The following OCM variants were observed in gnomAD, a reference collection of about 807,000 sequenced individuals.
OCM encodes oncomodulin-1.
In OCM, 18 loss-of-function variants were observed where a neutral mutation model predicts 14.1. The observed-to-expected ratio is 1.28, with a 90% CI of 0.88 to 1.89. The LOEUF is 1.89. Ranked by LOEUF, OCM falls within the 40% of genes most tolerant of loss-of-function variation. The probability of loss-of-function intolerance (pLI) is 0.00; values close to 1 mark genes in which losing one functional copy is unlikely to be tolerated. For synonymous variants in OCM, 48 were observed against 51.0 expected (o/e 0.94, Z 0.25); for missense variants, 140 against 137.6 (o/e 1.02, Z -0.09).
the OCM span, among the ~76,000 whole-genome samples, chr7:5,860,593 T>G: frequency 3.3e-5 from 2 of 61,076 alleles, no homozygotes; most frequent in African/African-American, 8.9e-5. Flanking sequence ...TATATATACG[T>G]GTATATATAC....
intron 1 of OCM, among the ~76,000 whole-genome samples, chr7:5,882,229 G>T (rs1380055428): frequency 1.3e-5 from 2 of 151,986 alleles, no homozygotes; most frequent in African/African-American, 4.8e-5. Flanking sequence ...GGGCCAGGGG[G>T]AGGGGGAGGC....
the OCM span, among the ~76,000 whole-genome samples, chr7:5,869,180 AAGAG>A: frequency 3.9e-5 from 6 of 152,192 alleles, no homozygotes; most frequent in Non-Finnish European, 8.8e-5. Context: ...TCAGGAATAA[AAGAG>A]AGAAGAGAGG....
the OCM span, among the ~76,000 whole-genome samples, chr7:5,859,869 C>G: frequency 6.6e-6 from 1 of 151,684 alleles, no homozygotes; most frequent in Non-Finnish European, 1.5e-5. Context: ...TGTATTTTTA[C>G]TAGAGACAGG....
At chr7:5,867,033 C>T in the OCM span, among the ~76,000 whole-genome samples, 2 of 152,084 alleles carry the variant, frequency 1.3e-5, no homozygotes, top group African/African-American at 4.8e-5. Flanking sequence ...TTTTTTATGG[C>T]CCATCAATTA....
intron 3 of OCM, among the ~76,000 whole-genome samples, chr7:5,884,890 T>A (rs2128607362): frequency 6.6e-6 from 1 of 152,124 alleles, no homozygotes; most frequent in South Asian, 2.1e-4. Context: ...GAGGCCAAGG[T>A]GGGCAGATCC....
the OCM span, among the ~76,000 whole-genome samples, chr7:5,874,781 C>T: frequency 2.2e-4 from 34 of 152,206 alleles, no homozygotes; most frequent in Non-Finnish European, 4.3e-4. Flanking sequence ...GCTGGGATTG[C>T]AGACGTGCAC....
At chr7:5,878,819 G>T (rs1466621348), upstream of OCM, among the ~76,000 whole-genome samples, 8 of 122,722 alleles carry the variant, frequency 6.5e-5, no homozygotes, top group East Asian at 1.8e-3. Flanking sequence ...TAATTAAAAA[G>T]AACAGTCTAG....
the OCM span, among the ~76,000 whole-genome samples, chr7:5,868,379 C>A: frequency 1.3e-5 from 2 of 151,586 alleles, no homozygotes; most frequent in Non-Finnish European, 2.9e-5. Context: ...AACTCCTGGC[C>A]TCAAATGGTC....
the OCM span, among the ~76,000 whole-genome samples, chr7:5,859,989 G>T: frequency 6.6e-6 from 1 of 152,026 alleles, no homozygotes; most frequent in African/African-American, 2.4e-5. Flanking sequence ...CGCCCAGCCA[G>T]TGTTTTTTTA....
At chr7:5,877,973 ACT>A (rs1455086595), upstream of OCM, among the ~76,000 whole-genome samples, 4 of 109,332 alleles carry the variant, frequency 3.7e-5, no homozygotes, top group East Asian at 9.3e-4. Context: ...AAGCAGTCAA[ACT>A]CTTTTTTTTT....
At chr7:5,870,222 C>G in the OCM span, among the ~76,000 whole-genome samples, 9 of 152,072 alleles carry the variant, frequency 5.9e-5, no homozygotes, top group African/African-American at 2.2e-4. Flanking sequence ...TCCATCCTCC[C>G]ACCTCAGGCT....
chr7:5,870,015 T>C, the OCM span, among the ~76,000 whole-genome samples: 2 of 152,252 alleles, frequency 1.3e-5, no homozygotes, highest in East Asian at 1.9e-4. Flanking sequence ...AACAAAACCA[T>C]AGCTGTGACA....
At chr7:5,860,803 C>G in the OCM span, among the ~76,000 whole-genome samples, 2 of 75,244 alleles carry the variant, frequency 2.7e-5, no homozygotes, top group African/African-American at 2.5e-4. Flanking sequence ...TATATATACA[C>G]ACATACACAC....
intron 2 of OCM, among the ~76,000 whole-genome samples, chr7:5,882,916 C>T (rs1325439585): frequency 6.6e-6 from 1 of 151,096 alleles, no homozygotes; most frequent in Non-Finnish European, 1.5e-5. Context: ...GATCTCAGCT[C>T]CCTGCAGCCT....
upstream of OCM, among the ~76,000 whole-genome samples, chr7:5,878,610 T>C (rs568992966): frequency 1.3e-5 from 2 of 150,948 alleles, no homozygotes; most frequent in African/African-American, 4.9e-5. Context: ...AGCCGGGTGT[T>C]GTGGCGGGCG....
At chr7:5,863,640 C>A in the OCM span, among the ~76,000 whole-genome samples, 7 of 151,260 alleles carry the variant, frequency 4.6e-5, no homozygotes, top group African/African-American at 1.7e-4. Context: ...TCAAGCGATT[C>A]TCCTGCATCA....
upstream of OCM, among the ~76,000 whole-genome samples, chr7:5,875,046 A>C (rs901462150): frequency 1.6e-4 from 23 of 140,576 alleles, no homozygotes; most frequent in Middle Eastern, 3.6e-3. Flanking sequence ...ATATCTATAT[A>C]TATATATATG....
chr7:5,877,819 CAAAAAAAA>C (rs535302724), upstream of OCM, among the ~76,000 whole-genome samples: 9,603 of 55,572 alleles, frequency 0.17, 444 homozygotes, highest in East Asian at 0.42. Context: ...GACTCCATCT[CAAAAAAAA>C]AAAAAAAAAA....
intron 1 of OCM, among the ~76,000 whole-genome samples, chr7:5,881,907 C>T (rs1781222542): frequency 6.6e-6 from 1 of 151,488 alleles, no homozygotes; most frequent in African/African-American, 2.4e-5. Context: ...GCCAGCATGG[C>T]AAAACCCTGT....
Sources: gnomAD v4.1 joint callset for allele counts (sites outside exome capture counted in the v4.1 genomes callset) on GRCh38, gnomAD v4.1.1 for gene constraint, MANE v1.5 for transcripts, NCBI Gene and HGNC (gene_info 2026-07-23, HGNC 2026-07-21) for gene names.